The following TRIM2 variants were observed in gnomAD, a reference collection of about 807,000 sequenced individuals.
TRIM2 encodes the protein tripartite motif-containing protein 2.
TRIM2 carries 20 observed loss-of-function variants against 75.2 expected under a neutral mutation model. That is an observed-to-expected ratio of 0.27 (90% CI 0.19 to 0.39). The LOEUF (loss-of-function observed/expected upper bound fraction) is 0.39, where lower values mean the gene tolerates loss of function less well. Among genes scored for constraint, TRIM2 ranks in the 10% least tolerant of loss-of-function variants. The pLI is 1.00. For missense variants in TRIM2, 660 were observed against 990.8 expected (o/e 0.67, Z 4.48); for synonymous variants, 373 against 388.3 (o/e 0.96, Z 0.46).
Position 153,244,144 on chromosome 4 carries a change from G to GTTC in TRIM2, c.31-26185_31-26183dup, listed in dbSNP as rs766874717. Among the ~76,000 whole-genome samples, 498 of 130,162 alleles carry GTTC rather than the reference G, an allele frequency of 3.8e-3. 6 individuals are homozygous for GTTC. Among genetic ancestry groups the GTTC allele is most frequent in the South Asian group, 0.013 (47 of 3,610 alleles). 85.4% of individuals were successfully genotyped at this position (130,162 alleles called of 152,430 possible). A position where few individuals can be genotyped will look rare whatever the true frequency, so the allele number is the denominator to read the frequency against. ...CCATCTTCTTCTTCTTCTTCTTCTT[G>GTTC]TTCTTCTTGTTCTTCTTCTTCTTCT... is the stretch of plus-strand genomic sequence containing the variant. On this transcript the variant is annotated intron_variant, in intron 1 of 11. Coordinates refer to ENST00000338700, the MANE Select transcript of TRIM2 (RefSeq NM_015271.5).
chr4:153,257,349 C>A, intron 1 of TRIM2: 1 of 1,048,426 alleles, frequency 9.5e-7, no homozygotes, highest in Non-Finnish European at 1.2e-6. Flanking sequence ...GCATCCCTAT[C>A]CCATAATCCC....
chr4:153,318,881 A>C (rs1392364736), intron 8 of TRIM2, among the ~76,000 whole-genome samples: 3 of 152,202 alleles, frequency 2.0e-5, no homozygotes, highest in African/African-American at 7.2e-5. Flanking sequence ...ATAAACTCTA[A>C]AGAACACTCA....
chr4:153,332,608 G>T (rs548326489), intron 11 of TRIM2, among the ~76,000 whole-genome samples: 28 of 151,316 alleles, frequency 1.9e-4, no homozygotes, highest in African/African-American at 6.8e-4. Context: ...TCACACCATT[G>T]CACTCCAGCC....
chr4:153,258,389 GAAAAGAAA>G (rs1752594940), intron 1 of TRIM2, among the ~76,000 whole-genome samples: 3 of 149,802 alleles, frequency 2.0e-5, no homozygotes, highest in South Asian at 4.2e-4. Flanking sequence ...ATTACACAGG[GAAAAGAAA>G]AAAAGAAAAA....
chr4:153,311,894 T>TTTTATTTATTTATTTA (rs112254741), intron 6 of TRIM2, among the ~76,000 whole-genome samples: 5,052 of 144,270 alleles, frequency 0.035, 119 homozygotes, highest in Non-Finnish European at 0.047. Context: ...GTTTTTATTC[T>TTTTATTTATTTATTTA]TTTATTTATT....
In TRIM2 at chr4:153,338,109, T is replaced by A; in HGVS notation, c.*3143T>A. ...ATTTGAAGCAAATAAATACTCCAGA[T>A]CCATGCAGCTAGAACACACTTGCTT... On this transcript the variant is annotated 3_prime_UTR_variant, in exon 12 of 12. Coordinates refer to ENST00000338700, the MANE Select transcript of TRIM2 (RefSeq NM_015271.5). 3 of 985,804 alleles carry A rather than the reference T, an allele frequency of 3.0e-6. No individual in the cohort carries two copies. Among genetic ancestry groups the A allele is most frequent in the Non-Finnish European group, 3.6e-6 (3 of 829,924 alleles). 61.1% of individuals were successfully genotyped at this position (985,804 alleles called of 1,614,324 possible).
chr4:153,257,507 A>G (rs1752352089), intron 1 of TRIM2: 1 of 1,278,010 alleles, frequency 7.8e-7, no homozygotes, highest in Non-Finnish European at 1.0e-6. Context: ...GCCTTCTCTC[A>G]TTTCCTCCAT....
intron 2 of TRIM2, among the ~76,000 whole-genome samples, chr4:153,274,330 T>C (rs1328827230): frequency 6.6e-6 from 1 of 152,162 alleles, no homozygotes; most frequent in African/African-American, 2.4e-5. Flanking sequence ...ATGGGTTGGA[T>C]ATGGAAAATG....
At chr4:153,258,761 T>A (rs4132714) in intron 1 of TRIM2, among the ~76,000 whole-genome samples, 94,394 of 152,038 alleles carry the variant, frequency 0.62, 30,196 homozygotes, top group African/African-American at 0.76. Flanking sequence ...AAACTCCAGT[T>A]TATATGTAAG....
chr4:153,227,685 C>T (rs1742515534), intron 1 of TRIM2, among the ~76,000 whole-genome samples: 1 of 152,086 alleles, frequency 6.6e-6, no homozygotes, highest in Non-Finnish European at 1.5e-5. Flanking sequence ...GGAGGGTGCA[C>T]GTCTCTCTTT....
chr4:153,272,829 T>G (rs1055237567), intron 2 of TRIM2, among the ~76,000 whole-genome samples: 4 of 151,452 alleles, frequency 2.6e-5, no homozygotes, highest in Non-Finnish European at 4.4e-5. Context: ...AAATGGGGTT[T>G]TTTGTTTGTT....
intron 1 of TRIM2, among the ~76,000 whole-genome samples, chr4:153,191,777 G>A (rs1346928711): frequency 6.6e-6 from 1 of 152,194 alleles, no homozygotes; most frequent in African/African-American, 2.4e-5. Context: ...TTCAGAGACT[G>A]GGAGTCACAC....
chr4:153,310,271 GTAT>G (rs1196072365), intron 6 of TRIM2: 2 of 152,030 alleles, frequency 1.3e-5, no homozygotes, highest in Non-Finnish European at 1.5e-5. Flanking sequence ...TATTTTATAA[GTAT>G]TATATGTGTT....
intron 1 of TRIM2, among the ~76,000 whole-genome samples, chr4:153,234,184 A>G (rs1285841543): frequency 6.6e-6 from 1 of 152,212 alleles, no homozygotes; most frequent in Non-Finnish European, 1.5e-5. Flanking sequence ...TATTTGGCAG[A>G]AGAGATTGAA....
At position 153,237,679 on chromosome 4, in the gene TRIM2, CA is replaced by C. The variant is rs545198715; in HGVS notation, c.31-32646del. Among the ~76,000 whole-genome samples, 16 of 137,646 alleles carry C rather than the reference CA, an allele frequency of 1.2e-4. No individual in the cohort carries two copies. In the South Asian group the frequency reaches 1.2e-3, roughly 10 times the overall value. The allele number at this position is 137,646 out of a possible 152,430, so 90.3% of individuals were successfully genotyped here. The stretch of plus-strand genomic sequence containing the variant: ...CAGGCGACAGTGCGAGACTCCGACT[CA>C]AAAAAAAAAGAGTCAAAATATATGA... On this transcript the variant is annotated intron_variant, in intron 1 of 11. Transcript: ENST00000338700.
chr4:153,217,039 A>T (rs1264025800), intron 1 of TRIM2, among the ~76,000 whole-genome samples: 1 of 152,204 alleles, frequency 6.6e-6, no homozygotes, highest in African/African-American at 2.4e-5. Context: ...ACATCTTACC[A>T]TGAGCACAGT....
chr4:153,323,941 T>C lies in TRIM2; in HGVS notation c.1952-137T>C, dbSNP rs539544582. The C allele has an allele frequency of 7.8e-4, 531 of 683,580 alleles. 5 individuals carry two copies. The South Asian group carries it at 8.6e-3, about 11-fold the overall frequency. 42.3% of individuals were successfully genotyped at this position (683,580 alleles called of 1,614,324 possible). On this transcript the variant is annotated intron_variant, in intron 9 of 11. Coordinates refer to ENST00000338700, the MANE Select transcript of TRIM2 (RefSeq NM_015271.5). The stretch of plus-strand genomic sequence containing the variant: ...AACTGGAGGTCTGGCTGAATGATCT[T>C]TCAAAGACTGAGTCTATGATTCTTT...
At chr4:153,228,848 A>C (rs1018351096) in intron 1 of TRIM2, among the ~76,000 whole-genome samples, 4 of 152,222 alleles carry the variant, frequency 2.6e-5, no homozygotes, top group African/African-American at 9.7e-5. Flanking sequence ...TCTGCCTTCA[A>C]GTAGCAATTA....
chr4:153,201,761 T>C (rs6840197), upstream of TRIM2, among the ~76,000 whole-genome samples: 147,902 of 152,258 alleles, frequency 0.97, 71,855 homozygotes, highest in East Asian at 1. Flanking sequence ...GATTTTTTTC[T>C]TTTGGCTGCT....
Sources: gnomAD v4.1 joint callset for allele counts (sites outside exome capture counted in the v4.1 genomes callset) on GRCh38, gnomAD v4.1.1 for gene constraint, MANE v1.5 for transcripts, NCBI Gene and HGNC (gene_info 2026-07-23, HGNC 2026-07-21) for gene names.